CREB3L2: variants seen among roughly 807,000 people sequenced by gnomAD.
CREB3L2 encodes cAMP responsive element binding protein 3 like 2.
CREB3L2 carries 23 observed loss-of-function variants against 57.2 expected under a neutral mutation model. The observed-to-expected ratio is 0.40, with a 90% CI of 0.29 to 0.57. CREB3L2 has a LOEUF of 0.57. Among genes scored for constraint, CREB3L2 ranks in the 20% least tolerant of loss-of-function variants. CREB3L2 has a pLI of 0.42. For missense variants in CREB3L2, 628 were observed against 634.7 expected (o/e 0.99, Z 0.11); for synonymous variants, 268 against 265.1 (o/e 1.01, Z -0.11).
chr7:137,932,395 C>A (rs1177173942), intron 1 of CREB3L2, among the ~76,000 whole-genome samples: 1 of 152,084 alleles, frequency 6.6e-6, no homozygotes, highest in African/African-American at 2.4e-5. Context: ...TGATGATCCA[C>A]CCTCAGAGAC....
chr7:137,989,360 T>G (rs2117325543), intron 1 of CREB3L2, among the ~76,000 whole-genome samples: 1 of 151,882 alleles, frequency 6.6e-6, no homozygotes, highest in South Asian at 2.1e-4. Context: ...CAACCCTTAT[T>G]TGTACTGACC....
At chr7:137,986,534 G>A (rs151151488) in intron 1 of CREB3L2, among the ~76,000 whole-genome samples, 1,963 of 152,296 alleles carry the variant, frequency 0.013, 26 homozygotes, top group Non-Finnish European at 0.019. Flanking sequence ...AGCAGGGCTC[G>A]GGGATACTAA....
In CREB3L2 at chr7:137,875,471, C is replaced by A. The variant is rs972302823; in HGVS notation, c.*5005G>T. 1 of 223,144 alleles carries A rather than the reference C, an allele frequency of 4.5e-6. No homozygotes were observed. Among genetic ancestry groups the A allele is most frequent in the African/African-American group, 2.2e-5 (1 of 44,774 alleles). The allele number at this position is 223,144 out of a possible 1,614,324, so 13.8% of individuals were successfully genotyped here. ...ATGGGAGCAGAGAACAGAGCTAAAA[C>A]CCCTGGTTTTCCTTTCCCCAGATGT... is the stretch of plus-strand genomic sequence containing the variant. On this transcript the variant is annotated 3_prime_UTR_variant, in exon 12 of 12. Transcript: ENST00000330387.
At chr7:137,989,437 T>G (rs1801848745) in intron 1 of CREB3L2, among the ~76,000 whole-genome samples, 1 of 149,610 alleles carries the variant, frequency 6.7e-6, no homozygotes, top group African/African-American at 2.5e-5. Flanking sequence ...CTCCAGTTTT[T>G]TTTTTTTTTT....
chr7:137,929,737 C>T (rs1406797203), intron 1 of CREB3L2, among the ~76,000 whole-genome samples: 2 of 148,780 alleles, frequency 1.3e-5, no homozygotes, highest in African/African-American at 4.9e-5. Flanking sequence ...GGTGTGGTGG[C>T]AGGCACCTGT....
chr7:137,879,841 G>C lies in CREB3L2; in HGVS notation c.*635C>G, dbSNP rs1015694020. The stretch of plus-strand genomic sequence containing the variant: ...TCCTAAAAGCGACAAGATGGGGCAG[G>C]TTTGCCTGGAGTAGAAAAGCCTGAT... On this transcript the variant is annotated 3_prime_UTR_variant, in exon 12 of 12. Transcript: ENST00000330387. The C allele has an allele frequency of 8.5e-6, 2 of 235,044 alleles. No homozygotes were observed. The highest frequency in any genetic ancestry group is 4.4e-5 in the African/African-American group (2 of 45,352). The allele number at this position is 235,044 out of a possible 1,614,324, so 14.6% of individuals were successfully genotyped here. A position where few individuals can be genotyped will look rare whatever the true frequency, so the allele number is the denominator to read the frequency against.
At chr7:137,888,771 G>A (rs1047439891) in intron 8 of CREB3L2, among the ~76,000 whole-genome samples, 1 of 152,084 alleles carries the variant, frequency 6.6e-6, no homozygotes, top group East Asian at 1.9e-4. Flanking sequence ...AGCTACTTCT[G>A]TAAGTGACAG....
chr7:137,997,066 G>A (rs1003771645), intron 1 of CREB3L2, among the ~76,000 whole-genome samples: 3 of 152,068 alleles, frequency 2.0e-5, no homozygotes, highest in Admixed American at 6.6e-5. Context: ...CTTTCCATGG[G>A]GCCTTCCCAC....
chr7:137,901,888 A>AAAAAAAG (rs1193850531), intron 7 of CREB3L2, among the ~76,000 whole-genome samples: 8 of 149,024 alleles, frequency 5.4e-5, no homozygotes, highest in Admixed American at 1.3e-4. Context: ...AAAAAAAAAA[A>AAAAAAAG]AAAAGAAAAA....
intron 1 of CREB3L2, among the ~76,000 whole-genome samples, chr7:137,977,000 G>C (rs1585672122): frequency 6.6e-6 from 1 of 152,210 alleles, no homozygotes; most frequent in Admixed American, 6.5e-5. Flanking sequence ...AATGGGTTGG[G>C]AGGTGGAAAG....
At position 137,880,655 on chromosome 7, in the gene CREB3L2, G is replaced by T; in HGVS notation, c.1488-104C>A. 1.1e-6 allele frequency: 1 copy of T among 871,320 alleles called. No homozygotes were observed. The highest frequency in any genetic ancestry group is 1.9e-6 in the Non-Finnish European group (1 of 523,738). The allele number at this position is 871,320 out of a possible 1,614,324, so 54.0% of individuals were successfully genotyped here. The stretch of plus-strand genomic sequence containing the variant: ...AATCATTCAGGGGTTGCAACTTGGT[G>T]AGACGGCCTGGGCATGTTTCTTGTC... On this transcript the variant is annotated intron_variant, in intron 11 of 11. Coordinates refer to ENST00000330387, the MANE Select transcript of CREB3L2 (RefSeq NM_194071.4). This position sits in a 1 kb window ranked among gnomAD's most constrained non-coding sequence, Gnocchi z 4.0.
chr7:137,896,460 C>A (rs1303311392), intron 8 of CREB3L2, among the ~76,000 whole-genome samples: 2 of 152,102 alleles, frequency 1.3e-5, no homozygotes, highest in Non-Finnish European at 2.9e-5. Flanking sequence ...CGCCACCACG[C>A]CCAGCTAATT....
Position 137,882,573 on chromosome 7 carries a change from G to A in CREB3L2, c.1326C>T (p.Ser442=), listed in dbSNP as rs775090315. ...CCAGCTCCCCAGCCGAGCCCGGGCT[G>A]GATGACTCCTCTGGGGGAGAATGTT... The part of the protein sequence containing the change: ...YEEHSPPEES[S]SPGSAGELGG... Residue 442 remains serine, a synonymous_variant, in exon 11 of 12, where the codon TCC becomes TCT. Transcript: ENST00000330387. 5 of 1,613,210 alleles carry A rather than the reference G, an allele frequency of 3.1e-6. No individual in the cohort carries two copies. In the Admixed American group the frequency reaches 8.3e-5, roughly 27 times the overall value.
intron 1 of CREB3L2, among the ~76,000 whole-genome samples, chr7:137,991,272 T>G (rs892447231): frequency 1.3e-5 from 2 of 151,886 alleles, no homozygotes; most frequent in African/African-American, 4.8e-5. Flanking sequence ...CATGCTATTC[T>G]CCTGCCTCAG....
chr7:137,892,161 A>G (rs1349993376), intron 8 of CREB3L2, among the ~76,000 whole-genome samples: 4 of 152,308 alleles, frequency 2.6e-5, no homozygotes, highest in Middle Eastern at 3.4e-3. Flanking sequence ...CAAATAGAAT[A>G]CACAATATCA....
At chr7:137,996,791 G>A (rs565544701) in intron 1 of CREB3L2, among the ~76,000 whole-genome samples, 8 of 152,278 alleles carry the variant, frequency 5.3e-5, no homozygotes, top group Admixed American at 1.3e-4. Context: ...ATATAAAACT[G>A]TATTAGCATA....
chr7:137,877,198 T>C lies in CREB3L2; in HGVS notation c.*3278A>G, dbSNP rs1585580900. On this transcript the variant is annotated 3_prime_UTR_variant, in exon 12 of 12. Transcript: ENST00000330387. ...TTTAGGAAGAAAAAAAAAAACATGGTAATTATAAGGGGTCTGTGAATAAGT... is the reference window on the plus strand; with the variant it reads ...TTTAGGAAGAAAAAAAAAAACATGGCAATTATAAGGGGTCTGTGAATAAGT... 1 of 227,394 alleles carries C rather than the reference T, an allele frequency of 4.4e-6. No homozygotes were observed. The highest frequency in any genetic ancestry group is 6.3e-5 in the East Asian group (1 of 15,926). The allele number at this position is 227,394 out of a possible 1,614,324, so 14.1% of individuals were successfully genotyped here.
chr7:137,916,799 C>A (rs572469925), intron 2 of CREB3L2, among the ~76,000 whole-genome samples: 2 of 151,584 alleles, frequency 1.3e-5, no homozygotes, highest in East Asian at 1.9e-4. Flanking sequence ...AGAGCGAGAG[C>A]GAGAGCGAGT....
chr7:137,988,945 AG>A (rs1801835308), intron 1 of CREB3L2, among the ~76,000 whole-genome samples: 1 of 141,120 alleles, frequency 7.1e-6, no homozygotes, highest in Non-Finnish European at 1.6e-5. Context: ...GACAGAAGGA[AG>A]GAAGGAAGGA....
Sources: allele counts gnomAD v4.1 joint callset (sites outside exome capture counted in the v4.1 genomes callset), GRCh38; gene constraint gnomAD v4.1.1; non-coding constraint Gnocchi (gnomAD v3.1); transcripts MANE v1.5; gene names NCBI Gene and HGNC (gene_info 2026-07-23, HGNC 2026-07-21).